SLCO3A1: variants seen among roughly 807,000 people sequenced by gnomAD.
SLCO3A1 encodes the protein solute carrier organic anion transporter family member 3A1.
In SLCO3A1, 27 loss-of-function variants were observed where a neutral mutation model predicts 63.1. That is an observed-to-expected ratio of 0.43 (90% CI 0.32 to 0.59). The LOEUF is 0.59. Among genes scored for constraint, SLCO3A1 ranks in the 20% least tolerant of loss-of-function variants. The pLI is 0.09. For synonymous variants in SLCO3A1, 473 were observed against 409.9 expected, an observed-to-expected ratio of 1.15 and a Z score of -1.86; for missense variants, 773 against 945.8, an observed-to-expected ratio of 0.82 and a Z score of 2.40.
In SLCO3A1 at chr15:92,131,962, G is replaced by A. The variant is rs756501066; in HGVS notation, c.1512+3473G>A. Among the ~76,000 whole-genome samples, 5 of 145,840 alleles carry A rather than the reference G, an allele frequency of 3.4e-5. 2 individuals are homozygous for A. Among genetic ancestry groups the A allele is most frequent in the Non-Finnish European group, 4.6e-5 (3 of 65,104 alleles). ...ACTCTGGCACCTCCCTCATTAAGCT[G>A]CAGGGACAGGGGCTCTGTTATGGAA... is the stretch of plus-strand genomic sequence containing the variant. On this transcript the variant is annotated intron_variant, in intron 7 of 9. Coordinates refer to ENST00000318445, the MANE Select transcript of SLCO3A1 (RefSeq NM_013272.4).
rs77652850 is a variant in SLCO3A1, at chr15:91,971,881, G to A, written c.646+55423G>A. Among the ~76,000 whole-genome samples, 500 of 152,260 alleles carry A rather than the reference G, an allele frequency of 3.3e-3. 3 individuals carry two copies. The highest frequency in any genetic ancestry group is 0.012 in the African/African-American group (480 of 41,542). ...TGTGGAGACTTTCTAGAACATAACT[G>A]CAGTTTGAGTATCCCTGATCAGAAA... is the stretch of plus-strand genomic sequence containing the variant. On this transcript the variant is annotated intron_variant, in intron 2 of 9. Transcript: ENST00000318445.
intron 7 of SLCO3A1, among the ~76,000 whole-genome samples, chr15:92,131,458 G>A (rs913717927): frequency 5.7e-5 from 7 of 123,316 alleles, no homozygotes; most frequent in African/African-American, 2.0e-4. Flanking sequence ...TCTGCCTCCC[G>A]GGTTCAAGTG....
chr15:92,054,801 A>G (rs912465725), intron 2 of SLCO3A1, among the ~76,000 whole-genome samples: 2 of 152,286 alleles, frequency 1.3e-5, no homozygotes, highest in East Asian at 1.9e-4. Flanking sequence ...TTATGGCTGC[A>G]TAGTATTCCA....
intron 2 of SLCO3A1, among the ~76,000 whole-genome samples, chr15:91,985,021 A>T (rs2046034357): frequency 6.6e-6 from 1 of 152,206 alleles, no homozygotes; most frequent in Non-Finnish European, 1.5e-5. Flanking sequence ...TAAGTGAACA[A>T]CATGAATTTT....
chr15:92,093,795 G>A (rs2047506180), intron 2 of SLCO3A1, among the ~76,000 whole-genome samples: 1 of 152,060 alleles, frequency 6.6e-6, no homozygotes, highest in Non-Finnish European at 1.5e-5. Flanking sequence ...AGAGAATTTA[G>A]GGTGAGTTGG....
chr15:92,132,683 G>A (rs1394906021), intron 7 of SLCO3A1, among the ~76,000 whole-genome samples: 2 of 144,482 alleles, frequency 1.4e-5, no homozygotes, highest in African/African-American at 2.5e-5. Context: ...GTCCAGCACT[G>A]CAGTTTGTAG....
chr15:92,047,948 C>T lies in SLCO3A1; in HGVS notation c.647-46933C>T, dbSNP rs373596656. On this transcript the variant is annotated intron_variant, in intron 2 of 9. Transcript: ENST00000318445. ...AACGGATGCCCAGAACCTTGGATCT[C>T]GAGAGCTGAGGTTGGGTGCCCAGGA... 1.8e-4 allele frequency among the ~76,000 whole-genome samples: 28 copies of T among 151,890 alleles called. 1 individual carries two copies. In the East Asian group the frequency reaches 2.5e-3, roughly 14 times the overall value.
At chr15:92,152,597 C>A (rs1477458591) in intron 9 of SLCO3A1, among the ~76,000 whole-genome samples, 1 of 152,152 alleles carries the variant, frequency 6.6e-6, no homozygotes, top group Non-Finnish European at 1.5e-5. Flanking sequence ...CTGATTTTTT[C>A]CTATCAGTGG....
chr15:91,920,285 G>A (rs1898800235), intron 2 of SLCO3A1, among the ~76,000 whole-genome samples: 1 of 152,176 alleles, frequency 6.6e-6, no homozygotes, highest in African/African-American at 2.4e-5. Context: ...CAAGGGTGGT[G>A]CACGGTCCAG....
intron 2 of SLCO3A1, among the ~76,000 whole-genome samples, chr15:91,925,657 A>C (rs1167758509): frequency 1.3e-5 from 2 of 152,018 alleles, no homozygotes; most frequent in Non-Finnish European, 2.9e-5. Flanking sequence ...GGGGCGAGAG[A>C]AGTGGACTGA....
intron 2 of SLCO3A1, among the ~76,000 whole-genome samples, chr15:91,982,382 T>C (rs2045998941): frequency 6.6e-6 from 1 of 152,268 alleles, no homozygotes; most frequent in African/African-American, 2.4e-5. Context: ...GAGTTGTAGT[T>C]TCTTTCGACA....
chr15:92,117,508 T>C (rs1470790885), intron 4 of SLCO3A1, among the ~76,000 whole-genome samples: 1 of 152,220 alleles, frequency 6.6e-6, no homozygotes, highest in African/African-American at 2.4e-5. Flanking sequence ...AATTTAGATA[T>C]CTTTATTCCA....
At chr15:91,898,637 C>T (rs1356637786) in intron 1 of SLCO3A1, among the ~76,000 whole-genome samples, 1 of 151,970 alleles carries the variant, frequency 6.6e-6, no homozygotes, top group African/African-American at 2.4e-5. Context: ...ACATCTTCTT[C>T]TTCCCTTAAC....
intron 2 of SLCO3A1, among the ~76,000 whole-genome samples, chr15:92,061,884 C>T (rs1054797295): frequency 3.3e-5 from 5 of 152,224 alleles, no homozygotes; most frequent in African/African-American, 9.6e-5. Context: ...GGTTTAGCTA[C>T]ATGGTCATGT....
chr15:91,972,070 G>T (rs891359556), intron 2 of SLCO3A1, among the ~76,000 whole-genome samples: 1 of 152,184 alleles, frequency 6.6e-6, no homozygotes, highest in African/African-American at 2.4e-5. Flanking sequence ...GATGAGGGAT[G>T]CTCAACCTAT....
At chr15:92,127,858 A>G (rs1334042115) in intron 6 of SLCO3A1, among the ~76,000 whole-genome samples, 1 of 152,192 alleles carries the variant, frequency 6.6e-6, no homozygotes, top group African/African-American at 2.4e-5. Context: ...GGGAGGAATA[A>G]AGCAAAGAGA....
At chr15:91,944,004 T>C (rs771157044) in intron 2 of SLCO3A1, among the ~76,000 whole-genome samples, 5 of 152,188 alleles carry the variant, frequency 3.3e-5, no homozygotes, top group African/African-American at 4.8e-5. Flanking sequence ...CTGCTCTTCA[T>C]TGGAAACTTT....
intron 2 of SLCO3A1, among the ~76,000 whole-genome samples, chr15:92,068,905 C>G (rs2047182472): frequency 6.6e-6 from 1 of 152,196 alleles, no homozygotes; most frequent in Non-Finnish European, 1.5e-5. Context: ...TTCGCCCCAC[C>G]TGTAACACGC....
intron 2 of SLCO3A1, among the ~76,000 whole-genome samples, chr15:92,077,882 G>A (rs1475445509): frequency 2.0e-5 from 3 of 152,182 alleles, no homozygotes; most frequent in Non-Finnish European, 2.9e-5. Flanking sequence ...CTGAGTGGGA[G>A]GAAGTGCAGG....
Sources: gnomAD v4.1 joint callset for allele counts (sites outside exome capture counted in the v4.1 genomes callset) on GRCh38, gnomAD v4.1.1 for gene constraint, MANE v1.5 for transcripts, NCBI Gene and HGNC (gene_info 2026-07-23, HGNC 2026-07-21) for gene names.